The following ADGRL2 variants were observed in gnomAD, a reference collection of about 807,000 sequenced individuals.
ADGRL2 encodes the protein adhesion G protein-coupled receptor L2, also known as calcium-independent alpha-latrotoxin receptor 2.
A neutral mutation model predicts 157.4 loss-of-function variants in ADGRL2; 44 were observed. The observed-to-expected ratio is 0.28, with a 90% CI of 0.22 to 0.36. The LOEUF is 0.36. ADGRL2 is among the 10% of genes least tolerant of loss of function. ADGRL2 has a pLI of 1.00. For missense variants in ADGRL2, 1,510 were observed against 1,768.9 expected, an observed-to-expected ratio of 0.85 and a Z score of 2.63; for synonymous variants, 585 against 624.7, an observed-to-expected ratio of 0.94 and a Z score of 0.95.
intron 1 of ADGRL2, among the ~76,000 whole-genome samples, chr1:81,356,952 CAAAAA>C (rs757239865): frequency 1.8e-5 from 1 of 55,668 alleles, no homozygotes; most frequent in Admixed American, 2.5e-4. Flanking sequence ...GACTCCGTCT[CAAAAA>C]AAAAAAAAAA....
intron 2 of ADGRL2, among the ~76,000 whole-genome samples, chr1:81,791,147 G>C (rs946541310): frequency 6.7e-6 from 1 of 149,748 alleles, no homozygotes; most frequent in Non-Finnish European, 1.5e-5. Context: ...GTTCTAGAAA[G>C]GAGTTTGAGG....
intron 18 of ADGRL2, 28 bp downstream of exon 18, chr1:81,979,988 A>G (rs1661207304): frequency 8.3e-7 from 1 of 1,206,236 alleles, no homozygotes; most frequent in Admixed American, 1.7e-5. Flanking sequence ...TAATTTTAAT[A>G]CTTGACAAAC....
chr1:81,690,806 T>C (rs766859175), intron 3 of ADGRL2, among the ~76,000 whole-genome samples: 6 of 152,204 alleles, frequency 3.9e-5, no homozygotes, highest in Admixed American at 2.0e-4. Context: ...AAAGGAAGCA[T>C]GTGATTCATT....
At chr1:81,528,790 G>A (rs985323348) in intron 2 of ADGRL2, among the ~76,000 whole-genome samples, 2 of 152,084 alleles carry the variant, frequency 1.3e-5, no homozygotes, top group African/African-American at 4.8e-5. Flanking sequence ...TAAATAAGTG[G>A]TTCATTGTTG....
At chr1:81,799,896 A>G (rs911443598), upstream of ADGRL2, among the ~76,000 whole-genome samples, 7 of 152,238 alleles carry the variant, frequency 4.6e-5, no homozygotes, top group African/African-American at 1.7e-4. Flanking sequence ...AATAAAAAAA[A>G]AATCCATGTT....
rs1047339984 is a variant in ADGRL2 at position 81,532,944 on chromosome 1, C to G, written c.-247-47932C>G. ...GTCTCAAAAAAAACAACAAAAAATT[C>G]TATCTATCTATCTATCTATCTATCT... On this transcript the variant is annotated intron_variant, in intron 2 of 24. Coordinates refer to the ADGRL2 transcript ENST00000370721. Among the ~76,000 whole-genome samples, 4 of 75,968 alleles carry G rather than the reference C, an allele frequency of 5.3e-5. No individual in the cohort carries two copies. The East Asian group carries it at 2.2e-3, about 42-fold the overall frequency. The allele number at this position is 75,968 out of a possible 152,430, so 49.8% of individuals were successfully genotyped here. A position where few individuals can be genotyped will look rare whatever the true frequency, so the allele number is the denominator to read the frequency against.
chr1:81,985,662 A>G (rs1205456211), intron 21 of ADGRL2, among the ~76,000 whole-genome samples: 2 of 152,002 alleles, frequency 1.3e-5, no homozygotes, highest in African/African-American at 4.8e-5. Context: ...TCTTTCAAAA[A>G]GTAAAAAATA....
At chr1:81,422,647 T>A (rs139244144) in intron 1 of ADGRL2, among the ~76,000 whole-genome samples, 16 of 152,362 alleles carry the variant, frequency 1.1e-4, no homozygotes, top group African/African-American at 3.8e-4. Flanking sequence ...GAAGAAATAA[T>A]TATACTCTTT....
chr1:81,364,312 T>C (rs1375073066), intron 1 of ADGRL2, among the ~76,000 whole-genome samples: 2 of 152,130 alleles, frequency 1.3e-5, no homozygotes, highest in Non-Finnish European at 2.9e-5. Flanking sequence ...CTGTTCAAAG[T>C]ACAGTTCTTC....
chr1:81,533,166 G>A (rs747549751), intron 2 of ADGRL2, among the ~76,000 whole-genome samples: 46 of 152,166 alleles, frequency 3.0e-4, no homozygotes, highest in Non-Finnish European at 5.9e-4. Context: ...ATCACCTGAG[G>A]TCAGGAGTTC....
intron 1 of ADGRL2, among the ~76,000 whole-genome samples, chr1:81,714,393 A>G (rs1274199974): frequency 6.6e-6 from 1 of 152,240 alleles, no homozygotes; most frequent in Non-Finnish European, 1.5e-5. Flanking sequence ...CTTCTTAAAA[A>G]TACATGCATC....
At chr1:81,493,006 A>G (rs1005565310) in intron 2 of ADGRL2, among the ~76,000 whole-genome samples, 2 of 152,212 alleles carry the variant, frequency 1.3e-5, no homozygotes, top group African/African-American at 4.8e-5. Flanking sequence ...GCAAATACAT[A>G]AAACTATAGG....
At chr1:81,955,810 C>A in intron 10 of ADGRL2, 67 bp from the exon 11 acceptor site, 1 of 922,288 alleles carries the variant, frequency 1.1e-6, no homozygotes, top group Non-Finnish European at 1.6e-6. Flanking sequence ...TGTCACTCAT[C>A]AGCTACTGAA....
chr1:81,430,269 A>T (rs1196292004), intron 1 of ADGRL2, among the ~76,000 whole-genome samples: 1 of 152,234 alleles, frequency 6.6e-6, no homozygotes, highest in Non-Finnish European at 1.5e-5. Flanking sequence ...CAAGTGCTTG[A>T]TGAAAAATAA....
At chr1:81,719,229 C>A (rs1276239739) in intron 1 of ADGRL2, among the ~76,000 whole-genome samples, 1 of 152,166 alleles carries the variant, frequency 6.6e-6, no homozygotes, top group East Asian at 1.9e-4. Context: ...ATTTATAGAA[C>A]TACTACGTAA....
intron 2 of ADGRL2, among the ~76,000 whole-genome samples, chr1:81,784,820 G>A (rs1345339564): frequency 6.6e-6 from 1 of 151,800 alleles, no homozygotes; most frequent in African/African-American, 2.4e-5. Flanking sequence ...TTTGTTAAGG[G>A]TCCAAAAATA....
intron 1 of ADGRL2, among the ~76,000 whole-genome samples, chr1:81,755,163 TATTTAAAGATATATATAG>T (rs1293351584): frequency 3.7e-4 from 53 of 144,980 alleles, no homozygotes; most frequent in African/African-American, 1.3e-3. Context: ...TATATATATA[TATTTAAAGATATATATAG>T]ATTTAAAGAT....
In ADGRL2 at chr1:81,936,855, AT is replaced by A. The variant is rs1283418824; in HGVS notation, c.397+25del. ...CCCTTACAGTAAGTATGCAGTTTAT[AT>A]TTTTTTACACTTTGCCCAGCATTAC... On this transcript the variant is annotated intron_variant, in intron 4 of 23. Transcript: ENST00000686636. The A allele has an allele frequency of 8.3e-6, 12 of 1,443,478 alleles. No individual in the cohort carries two copies. Among genetic ancestry groups the A allele is most frequent in the South Asian group, 1.1e-5 (1 of 87,512 alleles). The allele number at this position is 1,443,478 out of a possible 1,614,324, so 89.4% of individuals were successfully genotyped here. A position where few individuals can be genotyped will look rare whatever the true frequency, so the allele number is the denominator to read the frequency against.
chr1:81,475,605 A>G (rs551515602), intron 2 of ADGRL2, among the ~76,000 whole-genome samples: 129 of 152,294 alleles, frequency 8.5e-4, no homozygotes, highest in Non-Finnish European at 1.5e-3. Flanking sequence ...ACCTTTAATA[A>G]TTTTGTAAAT....
Sources: gnomAD v4.1 joint callset for allele counts (sites outside exome capture counted in the v4.1 genomes callset) on GRCh38, gnomAD v4.1.1 for gene constraint, MANE v1.5 for transcripts, NCBI Gene and HGNC (gene_info 2026-07-23, HGNC 2026-07-21) for gene names.